Variants in AKR1A1 observed in about 807,000 individuals in gnomAD.
AKR1A1 encodes the protein HEL-S-165mP.
In AKR1A1, 26 loss-of-function variants were observed where a neutral mutation model predicts 39.2. The ratio of observed to expected loss-of-function variants is 0.66; its 90% CI spans 0.49 to 0.92. AKR1A1 has a LOEUF of 0.92. Among genes scored for constraint, AKR1A1 ranks in the 40% least tolerant of loss-of-function variants. The probability of loss-of-function intolerance (pLI) is 0.00; values close to 1 mark genes in which losing one functional copy is unlikely to be tolerated. For missense variants in AKR1A1, 378 were observed against 406.5 expected (o/e 0.93, Z 0.60); for synonymous variants, 141 against 155.5 (o/e 0.91, Z 0.69).
chr1:45,556,708 C>G (rs1644209731), intron 1 of AKR1A1, among the ~76,000 whole-genome samples: 1 of 151,664 alleles, frequency 6.6e-6, no homozygotes, highest in Non-Finnish European at 1.5e-5. Flanking sequence ...GAAACCCCGT[C>G]TGTACTAAAA....
intron 1 of AKR1A1, among the ~76,000 whole-genome samples, chr1:45,555,468 C>A (rs975952846): frequency 6.7e-6 from 1 of 150,160 alleles, no homozygotes; most frequent in Non-Finnish European, 1.5e-5. Flanking sequence ...GCCTGGGCAA[C>A]AAGAGTGAAA....
intron 1 of AKR1A1, among the ~76,000 whole-genome samples, chr1:45,559,446 T>G (rs1422707803): frequency 6.6e-6 from 1 of 152,110 alleles, no homozygotes; most frequent in Admixed American, 6.6e-5. Flanking sequence ...CTGGAAAGAG[T>G]TCTTCCCCTT....
intron 1 of AKR1A1, among the ~76,000 whole-genome samples, chr1:45,559,355 CTTTG>C (rs1234807124): frequency 6.6e-6 from 1 of 152,110 alleles, no homozygotes; most frequent in African/African-American, 2.4e-5. Context: ...CAGTTACCTG[CTTTG>C]TTTGGTTGGA....
chr1:45,558,494 G>T (rs563966755), intron 1 of AKR1A1, among the ~76,000 whole-genome samples: 49 of 150,830 alleles, frequency 3.2e-4, no homozygotes, highest in Non-Finnish European at 6.6e-4. Context: ...CACCTCCCGA[G>T]TTCAAGCGAT....
intron 2 of AKR1A1, among the ~76,000 whole-genome samples, chr1:45,563,572 C>G (rs1473047088): frequency 6.6e-6 from 1 of 151,826 alleles, no homozygotes; most frequent in East Asian, 1.9e-4. Context: ...GGCGGATCAC[C>G]TGAGGTTGGG....
chr1:45,561,250 C>T (rs1644273348), intron 1 of AKR1A1, among the ~76,000 whole-genome samples: 1 of 152,184 alleles, frequency 6.6e-6, no homozygotes, highest in African/African-American at 2.4e-5. Context: ...CTTTAGCCTG[C>T]CACAGAGAAG....
At chr1:45,567,638 T>G (rs1275763862) in intron 4 of AKR1A1, 1 of 170,822 alleles carries the variant, frequency 5.9e-6, no homozygotes, top group African/African-American at 2.4e-5. Flanking sequence ...TCATCCTGGC[T>G]AACACGGTGA....
At chr1:45,567,237 T>C in intron 4 of AKR1A1, 1 of 605,468 alleles carries the variant, frequency 1.7e-6, no homozygotes, top group Non-Finnish European at 2.8e-6. Flanking sequence ...TCACATGGTG[T>C]GTACCCCAGG....
At chr1:45,560,707 T>C (rs1380739250) in intron 1 of AKR1A1, among the ~76,000 whole-genome samples, 3 of 151,132 alleles carry the variant, frequency 2.0e-5, no homozygotes, top group Admixed American at 2.0e-4. Flanking sequence ...GAAAGGTACT[T>C]GGAGAATCTC....
intron 1 of AKR1A1, among the ~76,000 whole-genome samples, chr1:45,554,557 C>CA (rs1241821311): frequency 6.6e-6 from 1 of 152,144 alleles, no homozygotes; most frequent in African/African-American, 2.4e-5. Flanking sequence ...CCAGCCTGGG[C>CA]AACAGAGTGA....
chr1:45,559,613 ACTT>A (rs1477803529), intron 1 of AKR1A1, among the ~76,000 whole-genome samples: 1 of 135,676 alleles, frequency 7.4e-6, no homozygotes, highest in Non-Finnish European at 1.6e-5. Context: ...TGGTTTTGCC[ACTT>A]CTTTTCTCTT....
At position 45,568,999 on chromosome 1, in the gene AKR1A1, G is replaced by T. The variant is rs1286691295; in HGVS notation, c.825G>T (p.Lys275Asn). 1 of 1,613,936 alleles carries T rather than the reference G, an allele frequency of 6.2e-7. No homozygotes were observed. Among genetic ancestry groups the T allele is most frequent in the Non-Finnish European group, 8.5e-7 (1 of 1,179,928 alleles). ...CTTCTCGAATCCTTCAGAACATCAA[G>T]GTACTTGGTAATGGGTTCTATCTTC... The part of the protein sequence containing the change: ...ITPSRILQNI[K>N]VFDFTFSPEE... The change falls in exon 7 of 9, where the codon AAG becomes AAT. Residue 275 changes from lysine to asparagine, a missense_variant and splice_region_variant. By Grantham distance (94) the Lys-to-Asn change is moderately conservative. Transcript: ENST00000351829.
Position 45,568,662 on chromosome 1 carries a change from T to C in AKR1A1, c.730T>C (p.Ser244Pro), listed in dbSNP as rs772279141. The C allele has an allele frequency of 6.2e-7, 1 of 1,613,662 alleles. No individual in the cohort carries two copies. The highest frequency in any genetic ancestry group is 8.5e-7 in the Non-Finnish European group (1 of 1,179,870). ...VLALAEKYGR[S>P]PAQILLRWQV... The stretch of plus-strand genomic sequence containing the variant: ...GGCATTGGCTGAAAAGTATGGCCGA[T>C]CTCCAGCTCAGATCTTGCTCAGGTA... The change falls in exon 6 of 9, where the codon TCT becomes CCT. Residue 244 changes from serine (S) to proline (P), a missense_variant. Ser to Pro is a moderately conservative substitution (Grantham distance 74). Transcript: ENST00000351829.
intron 1 of AKR1A1, among the ~76,000 whole-genome samples, chr1:45,555,347 C>T (rs1464262445): frequency 6.6e-6 from 1 of 152,020 alleles, no homozygotes; most frequent in Non-Finnish European, 1.5e-5. Flanking sequence ...ATTAGCCAGG[C>T]GTGGTGGCGC....
intron 2 of AKR1A1, among the ~76,000 whole-genome samples, chr1:45,563,509 G>A (rs1644304106): frequency 6.6e-6 from 1 of 152,200 alleles, no homozygotes; most frequent in Non-Finnish European, 1.5e-5. Flanking sequence ...AACCACTTAA[G>A]CTGGGTGTGG....
At chr1:45,556,605 G>A (rs752430284) in intron 1 of AKR1A1, among the ~76,000 whole-genome samples, 6 of 151,976 alleles carry the variant, frequency 3.9e-5, no homozygotes, top group Admixed American at 6.6e-5. Context: ...ATAGCCGGGC[G>A]CAGTGGCTCA....
At chr1:45,552,400 A>G (rs1012509162) in intron 1 of AKR1A1, 15 of 152,126 alleles carry the variant, frequency 9.9e-5, no homozygotes, top group African/African-American at 2.9e-4. Context: ...AAAAAAACAA[A>G]TTTTTGTAGA....
chr1:45,568,663 C>T lies in AKR1A1; in HGVS notation c.731C>T (p.Ser244Phe). Residue 244 changes from serine to phenylalanine, a missense_variant, in exon 6 of 9, where the codon TCT becomes TTT. Physicochemically the swap from Ser to Phe is radical, Grantham distance 155. Coordinates refer to ENST00000351829, the MANE Select transcript of AKR1A1 (RefSeq NM_153326.3). ...GCATTGGCTGAAAAGTATGGCCGAT[C>T]TCCAGCTCAGATCTTGCTCAGGTAT... The part of the protein sequence containing the change: ...VLALAEKYGR[S>F]PAQILLRWQV... 1 of 1,613,644 alleles carries T rather than the reference C, an allele frequency of 6.2e-7. No individual in the cohort carries two copies. The highest frequency in any genetic ancestry group is 8.5e-7 in the Non-Finnish European group (1 of 1,179,872).
rs140101422 is a variant in AKR1A1 at position 45,557,144 on chromosome 1, C to G, written c.-6-4645C>G. ...GGTGGAGGTTGCAGTGAGCCAAGAT[C>G]GCGCCATTGCACCCCAGCCTGGGTG... On this transcript the variant is annotated intron_variant, in intron 1 of 8. Coordinates refer to ENST00000351829, the MANE Select transcript of AKR1A1 (RefSeq NM_153326.3). Among the ~76,000 whole-genome samples the G allele has an allele frequency of 0.011, 1,718 of 151,750 alleles. 89 individuals carry two copies. The East Asian group carries it at 0.18, about 16-fold the overall frequency.
Sources: allele counts gnomAD v4.1 joint callset (sites outside exome capture counted in the v4.1 genomes callset), GRCh38; gene constraint gnomAD v4.1.1; transcripts MANE v1.5; gene names NCBI Gene and HGNC (gene_info 2026-07-23, HGNC 2026-07-21).